The following KCTD5 variants were observed in gnomAD, a reference collection of about 807,000 sequenced individuals.
The protein encoded by KCTD5 is BTB/POZ domain-containing protein KCTD5.
Under a neutral mutation model 27.9 loss-of-function variants are expected in KCTD5, and 12 were observed. The ratio of observed to expected loss-of-function variants is 0.43; its 90% confidence interval spans 0.28 to 0.70. The LOEUF is 0.70. KCTD5 is among the 30% of genes least tolerant of loss of function. KCTD5 has a pLI of 0.19. For synonymous variants in KCTD5, 147 were observed against 121.4 expected (o/e 1.21, Z -1.39); for missense variants, 226 against 274.8 (o/e 0.82, Z 1.26).
intron 1 of KCTD5, among the ~76,000 whole-genome samples, chr16:2,693,806 G>A (rs967666878): frequency 4.6e-5 from 7 of 150,814 alleles, no homozygotes; most frequent in African/African-American, 1.7e-4. Context: ...ACTCATGGCG[G>A]CCCCGAGCTA....
intron 1 of KCTD5, 126 bp downstream of exon 1, chr16:2,682,926 G>A: frequency 4.1e-6 from 5 of 1,207,468 alleles, no homozygotes; most frequent in East Asian, 3.1e-5. Flanking sequence ...TTCGAGCCCC[G>A]CGCTCCCTTG....
intron 4 of KCTD5, among the ~76,000 whole-genome samples, chr16:2,700,328 C>G (rs2067605701): frequency 6.6e-6 from 1 of 152,242 alleles, no homozygotes. Flanking sequence ...CAGGCTGCCT[C>G]CCCTTCCCGC....
intron 4 of KCTD5, among the ~76,000 whole-genome samples, chr16:2,700,229 A>G (rs2067605171): frequency 6.6e-6 from 1 of 152,170 alleles, no homozygotes; most frequent in Non-Finnish European, 1.5e-5. Flanking sequence ...TGGCGTCCCC[A>G]GAGCCTCCTG....
At chr16:2,683,382 T>C (rs893412822) in intron 1 of KCTD5, 21 of 152,212 alleles carry the variant, frequency 1.4e-4, no homozygotes, top group African/African-American at 3.4e-4. Context: ...CCGTAGTATA[T>C]AGTATGATTT....
intron 1 of KCTD5, among the ~76,000 whole-genome samples, chr16:2,687,206 T>C (rs944282787): frequency 4.6e-5 from 7 of 152,316 alleles, no homozygotes; most frequent in Admixed American, 2.6e-4. Context: ...CATAAATTCC[T>C]GAGAAAAGGA....
intron 4 of KCTD5, 93 bp downstream of exon 4, chr16:2,700,009 T>G (rs924620166): frequency 2.5e-6 from 3 of 1,202,056 alleles, no homozygotes; most frequent in African/African-American, 1.5e-5. Context: ...AAATGCAGAC[T>G]TTGCTGCTGG....
chr16:2,682,939 G>T lies in KCTD5; in HGVS notation c.252+139G>T, dbSNP rs929865469. On this transcript the variant is annotated intron_variant, in intron 1 of 5. Transcript: ENST00000301738. ...GCTTCGAGCCCCGCGCTCCCTTGTC[G>T]CCAGCTCCTCCCCAGCTTGCCCCGA... The T allele has an allele frequency of 1.2e-5, 13 of 1,099,188 alleles. No individual in the cohort carries two copies. The Admixed American group carries it at 3.5e-4, about 29-fold the overall frequency. 68.1% of individuals were successfully genotyped at this position (1,099,188 alleles called of 1,614,324 possible).
At chr16:2,702,850 G>A (rs1446785326) in intron 5 of KCTD5, among the ~76,000 whole-genome samples, 1 of 152,054 alleles carries the variant, frequency 6.6e-6, no homozygotes, top group Non-Finnish European at 1.5e-5. Context: ...CTGTCATAGG[G>A]GTCTGGGCCA....
At chr16:2,697,760 G>A in intron 2 of KCTD5, 146 bp from the exon 3 acceptor site, 1 of 623,164 alleles carries the variant, frequency 1.6e-6, no homozygotes, top group Non-Finnish European at 2.9e-6. Context: ...CAGGAAGCCT[G>A]TTAGGTCGGG....
At chr16:2,697,805 C>T in intron 2 of KCTD5, 101 bp from the exon 3 acceptor site, 1 of 814,834 alleles carries the variant, frequency 1.2e-6, no homozygotes, top group Non-Finnish European at 2.1e-6. Flanking sequence ...AGCCATGGGC[C>T]CTCATTGCAG....
rs547436040 is a variant in KCTD5 at position 2,697,814 on chromosome 16, A to G, written c.362-92A>G. On this transcript the variant is annotated intron_variant, in intron 2 of 5. Coordinates refer to ENST00000301738, the MANE Select transcript of KCTD5 (RefSeq NM_018992.4). Reference sequence around the variant, plus strand: ...GGGCCGAGCCATGGGCCCTCATTGCAGGGGCAGGGGCAAGGGCAGGGGTGG... The same window carrying G: ...GGGCCGAGCCATGGGCCCTCATTGCGGGGGCAGGGGCAAGGGCAGGGGTGG... 343 of 879,696 alleles carry G rather than the reference A, an allele frequency of 3.9e-4. 3 individuals carry two copies. The African/African-American group carries it at 4.9e-3, about 13-fold the overall frequency. 54.5% of individuals were successfully genotyped at this position (879,696 alleles called of 1,614,324 possible).
chr16:2,702,691 A>T (rs1222923453), intron 5 of KCTD5, among the ~76,000 whole-genome samples: 1 of 151,938 alleles, frequency 6.6e-6, no homozygotes, highest in Admixed American at 6.5e-5. Flanking sequence ...CTGCATGCAG[A>T]GCTGCTCCTG....
intron 4 of KCTD5, among the ~76,000 whole-genome samples, chr16:2,701,466 G>A (rs1370664320): frequency 6.6e-6 from 1 of 152,204 alleles, no homozygotes; most frequent in African/African-American, 2.4e-5. Flanking sequence ...GGGCTCCGGG[G>A]GGCATGGCCG....
intron 3 of KCTD5, among the ~76,000 whole-genome samples, chr16:2,698,466 C>T (rs1596224097): frequency 6.6e-6 from 1 of 152,348 alleles, no homozygotes; most frequent in East Asian, 1.9e-4. Context: ...AGACACACCT[C>T]TCACAGCTGG....
intron 1 of KCTD5, among the ~76,000 whole-genome samples, chr16:2,691,847 G>A (rs1238698902): frequency 6.6e-6 from 1 of 152,182 alleles, no homozygotes; most frequent in Non-Finnish European, 1.5e-5. Context: ...GGTCCCCCGC[G>A]GTGCCTCAGC....
chr16:2,707,090 C>G (rs1199766762), intron 5 of KCTD5, among the ~76,000 whole-genome samples: 1 of 152,024 alleles, frequency 6.6e-6, no homozygotes, highest in East Asian at 1.9e-4. Flanking sequence ...GTGAGCGCTC[C>G]CTGTGTGGGG....
intron 3 of KCTD5, 140 bp from the exon 4 acceptor site, chr16:2,699,681 C>G (rs2067602759): frequency 2.9e-6 from 2 of 678,328 alleles, no homozygotes; most frequent in East Asian, 2.6e-5. Flanking sequence ...TGTGGATGTG[C>G]TCAGGATTGC....
intron 4 of KCTD5, among the ~76,000 whole-genome samples, chr16:2,700,724 A>G (rs1199133627): frequency 1.3e-5 from 2 of 152,192 alleles, no homozygotes; most frequent in Admixed American, 1.3e-4. Flanking sequence ...TGACAGGCTC[A>G]GCCAGTGTCC....
chr16:2,699,479 T>C (rs2067601829), intron 3 of KCTD5, among the ~76,000 whole-genome samples: 1 of 152,194 alleles, frequency 6.6e-6, no homozygotes, highest in Non-Finnish European at 1.5e-5. Flanking sequence ...TCCCGACCGA[T>C]GAATTCAGGG....
Sources: gnomAD v4.1 joint callset for allele counts (sites outside exome capture counted in the v4.1 genomes callset) on GRCh38, gnomAD v4.1.1 for gene constraint, MANE v1.5 for transcripts, NCBI Gene and HGNC (gene_info 2026-07-23, HGNC 2026-07-21) for gene names.